Variants in PCP4 observed in about 807,000 individuals in gnomAD.
PCP4 encodes the protein calmodulin regulator protein PCP4.
PCP4 carries 8 observed loss-of-function variants against 10.0 expected under a neutral mutation model. That is an observed-to-expected ratio of 0.80 (90% CI 0.47 to 1.45). PCP4 has a LOEUF of 1.45. Among genes scored for constraint, PCP4 ranks in the 40% most tolerant of loss-of-function variants. The pLI, the probability that PCP4 is intolerant of heterozygous loss-of-function variation, is 0.00. For synonymous variants in PCP4, 21 were observed against 23.0 expected (o/e 0.91, Z 0.24); for missense variants, 54 against 74.4 (o/e 0.73, Z 1.01).
intron 2 of PCP4, among the ~76,000 whole-genome samples, chr21:39,907,899 T>A (rs182585211): frequency 8.5e-5 from 13 of 152,230 alleles, no homozygotes; most frequent in Admixed American, 8.5e-4. Context: ...GGAGAGTGAA[T>A]CTGAGAAGCA....
chr21:39,912,597 C>T (rs9808735), intron 2 of PCP4, among the ~76,000 whole-genome samples: 67,481 of 151,820 alleles, frequency 0.44, 15,305 homozygotes, highest in Middle Eastern at 0.57. Flanking sequence ...CTACCTGAAC[C>T]AATATAAAAA....
At chr21:39,926,848 A>G (rs1314730280) in intron 2 of PCP4, among the ~76,000 whole-genome samples, 1 of 152,226 alleles carries the variant, frequency 6.6e-6, no homozygotes, top group East Asian at 1.9e-4. Flanking sequence ...GGCAATGTAG[A>G]AGACAATGTG....
intron 1 of PCP4, among the ~76,000 whole-genome samples, chr21:39,880,028 G>C (rs928775696): frequency 1.8e-4 from 27 of 152,040 alleles, no homozygotes; most frequent in African/African-American, 6.3e-4. Context: ...GCTTTTTAAT[G>C]AACAAATTAA....
chr21:39,897,190 C>T (rs1257112226), intron 1 of PCP4, among the ~76,000 whole-genome samples: 1 of 152,004 alleles, frequency 6.6e-6, no homozygotes, highest in African/African-American at 2.4e-5. Context: ...GAGTTCGAGA[C>T]CAGCCTGGCC....
At chr21:39,909,664 C>T (rs1406949085) in intron 2 of PCP4, among the ~76,000 whole-genome samples, 2 of 152,142 alleles carry the variant, frequency 1.3e-5, no homozygotes, top group Admixed American at 6.5e-5. Flanking sequence ...GGGAAGTCAG[C>T]GACGTGGCCT....
chr21:39,875,755 C>A (rs1264039066), intron 1 of PCP4, among the ~76,000 whole-genome samples: 1 of 152,074 alleles, frequency 6.6e-6, no homozygotes, highest in African/African-American at 2.4e-5. Context: ...GATAGTGTAC[C>A]TTAATAGGGA....
chr21:39,923,371 T>C (rs2087606165), intron 2 of PCP4, among the ~76,000 whole-genome samples: 1 of 152,210 alleles, frequency 6.6e-6, no homozygotes, highest in Admixed American at 6.5e-5. Flanking sequence ...TTGCCCTGCT[T>C]GAGTAAGTTG....
chr21:39,885,339 C>T (rs2087395217), intron 1 of PCP4, among the ~76,000 whole-genome samples: 1 of 152,186 alleles, frequency 6.6e-6, no homozygotes, highest in Non-Finnish European at 1.5e-5. Flanking sequence ...AAGCAACGAG[C>T]CTGAGGCCTA....
chr21:39,908,838 C>G (rs1460406079), intron 2 of PCP4, among the ~76,000 whole-genome samples: 1 of 152,134 alleles, frequency 6.6e-6, no homozygotes, highest in African/African-American at 2.4e-5. Context: ...TGTGGAGAGG[C>G]GCCAAGGAGC....
Position 39,929,185 on chromosome 21 carries a change from C to T in PCP4, c.*74C>T. On this transcript the variant is annotated 3_prime_UTR_variant, in exon 3 of 3. Transcript: ENST00000328619. ...ATCTGTCAAGAAATTAAAAGAACAA[C>T]ACCCTAGAGAGAAGTCATCCACACA... 1 of 1,471,672 alleles carries T rather than the reference C, an allele frequency of 6.8e-7. No homozygotes were observed. Among genetic ancestry groups the T allele is most frequent in the South Asian group, 1.3e-5 (1 of 78,922 alleles). The allele number at this position is 1,471,672 out of a possible 1,614,324, so 91.2% of individuals were successfully genotyped here. A position where few individuals can be genotyped will look rare whatever the true frequency, so the allele number is the denominator to read the frequency against.
chr21:39,889,705 C>T (rs1277492409), intron 1 of PCP4, among the ~76,000 whole-genome samples: 6 of 152,074 alleles, frequency 3.9e-5, no homozygotes, highest in Admixed American at 6.5e-5. Flanking sequence ...CGTGAGCCAC[C>T]GTGCCCAGCC....
intron 1 of PCP4, among the ~76,000 whole-genome samples, chr21:39,874,902 C>T (rs1011449411): frequency 1.3e-5 from 2 of 152,104 alleles, no homozygotes; most frequent in African/African-American, 4.8e-5. Context: ...TAAGTGGCTA[C>T]GGGCAGGTAG....
intron 2 of PCP4, among the ~76,000 whole-genome samples, chr21:39,900,282 G>A (rs1039000199): frequency 3.3e-5 from 5 of 152,084 alleles, no homozygotes; most frequent in African/African-American, 1.2e-4. Flanking sequence ...TGATCCACCC[G>A]CCTCGGCCCC....
chr21:39,922,880 G>A (rs552965021), intron 2 of PCP4, among the ~76,000 whole-genome samples: 45 of 152,230 alleles, frequency 3.0e-4, no homozygotes, highest in Non-Finnish European at 5.7e-4. Context: ...CCTTGTGAGG[G>A]ATAATGGCCC....
chr21:39,869,666 A>T (rs1287931900), intron 1 of PCP4, among the ~76,000 whole-genome samples: 2 of 152,092 alleles, frequency 1.3e-5, no homozygotes, highest in Non-Finnish European at 2.9e-5. Context: ...CTCCTTGGAG[A>T]GCAGGAATTT....
intron 2 of PCP4, among the ~76,000 whole-genome samples, chr21:39,925,809 G>A (rs1206936001): frequency 1.3e-5 from 2 of 152,122 alleles, no homozygotes. Flanking sequence ...TGCTCCTGTG[G>A]CCTTGTCACT....
At chr21:39,909,892 T>C (rs1206698418) in intron 2 of PCP4, among the ~76,000 whole-genome samples, 1 of 150,620 alleles carries the variant, frequency 6.6e-6, no homozygotes, top group Non-Finnish European at 1.5e-5. Flanking sequence ...GCCTCCCGGG[T>C]TCAAGCGATT....
At chr21:39,900,573 T>A (rs541980862) in intron 2 of PCP4, among the ~76,000 whole-genome samples, 2 of 152,228 alleles carry the variant, frequency 1.3e-5, no homozygotes, top group South Asian at 4.2e-4. Context: ...CACAGCTGCC[T>A]GTAACAAGCA....
intron 2 of PCP4, 102 bp downstream of exon 2, chr21:39,898,629 T>C: frequency 3.5e-6 from 3 of 858,316 alleles, no homozygotes; most frequent in Non-Finnish European, 3.9e-6. Context: ...CAGCTTACTA[T>C]ATGTGTCTGC....
Sources: allele counts gnomAD v4.1 joint callset (sites outside exome capture counted in the v4.1 genomes callset), GRCh38; gene constraint gnomAD v4.1.1; transcripts MANE v1.5; gene names NCBI Gene and HGNC (gene_info 2026-07-23, HGNC 2026-07-21).